FHIT: variants seen among roughly 807,000 people sequenced by gnomAD.
The protein encoded by FHIT is fragile histidine triad diadenosine triphosphatase, also known as bis(5'-adenosyl)-triphosphatase.
A neutral mutation model predicts 17.9 loss-of-function variants in FHIT; 19 were observed. That is an observed-to-expected ratio of 1.06 (90% CI 0.74 to 1.56). The LOEUF is 1.56. Among genes scored for constraint, FHIT ranks in the 40% most tolerant of loss-of-function variants. The pLI is 0.00. For missense variants in FHIT, 248 were observed against 189.2 expected, an observed-to-expected ratio of 1.31 and a Z score of -1.82; for synonymous variants, 81 against 69.7, an observed-to-expected ratio of 1.16 and a Z score of -0.81.
intron 3 of FHIT, among the ~76,000 whole-genome samples, chr3:61,041,238 G>C (rs2033497908): frequency 6.6e-6 from 1 of 151,914 alleles, no homozygotes; most frequent in Admixed American, 6.6e-5. Context: ...AATTAGCTAG[G>C]TGTGGTGGCA....
intron 5 of FHIT, among the ~76,000 whole-genome samples, chr3:60,452,106 G>A (rs1429692328): frequency 1.3e-5 from 2 of 152,118 alleles, no homozygotes; most frequent in African/African-American, 4.8e-5. Context: ...ATAAATAAAT[G>A]CCCAAATCTT....
At chr3:60,154,975 G>C (rs1187220940) in intron 5 of FHIT, among the ~76,000 whole-genome samples, 5 of 152,146 alleles carry the variant, frequency 3.3e-5, no homozygotes, top group Middle Eastern at 6.8e-3. Flanking sequence ...CAAGGTGAGA[G>C]GATCACTTGA....
At chr3:59,939,235 T>G (rs1257315405) in intron 7 of FHIT, among the ~76,000 whole-genome samples, 1 of 152,174 alleles carries the variant, frequency 6.6e-6, no homozygotes, top group Non-Finnish European at 1.5e-5. Flanking sequence ...GCCCTTGATT[T>G]ATGCTGGCCA....
intron 5 of FHIT, among the ~76,000 whole-genome samples, chr3:60,144,721 T>C (rs1254464903): frequency 6.6e-6 from 1 of 152,178 alleles, no homozygotes; most frequent in Non-Finnish European, 1.5e-5. Context: ...CATCACCTCA[T>C]GCACTTATTT....
chr3:61,026,243 G>T (rs2032725546), intron 3 of FHIT, among the ~76,000 whole-genome samples: 1 of 152,120 alleles, frequency 6.6e-6, no homozygotes. Context: ...TCTGTCTGCT[G>T]TTTTTTGCTT....
intron 3 of FHIT, among the ~76,000 whole-genome samples, chr3:60,923,044 C>G (rs1213028600): frequency 6.6e-6 from 1 of 152,230 alleles, no homozygotes; most frequent in Non-Finnish European, 1.5e-5. Flanking sequence ...CTCAGCTCAA[C>G]TAGTGTGGTA....
chr3:60,128,994 C>G lies in FHIT; in HGVS notation c.104-114842G>C, dbSNP rs1407273334. Among the ~76,000 whole-genome samples, 3 of 151,692 alleles carry G rather than the reference C, an allele frequency of 2.0e-5. No individual in the cohort carries two copies. The East Asian group carries it at 5.8e-4, about 29-fold the overall frequency. ...ATTTAGATAATTCATTGATTTCACACCTTTCCTTCCTGGTTACTCTATACT... is the reference window on the plus strand; with the variant it reads ...ATTTAGATAATTCATTGATTTCACAGCTTTCCTTCCTGGTTACTCTATACT... On this transcript the variant is annotated intron_variant, in intron 5 of 9. Coordinates refer to ENST00000492590, the MANE Select transcript of FHIT (RefSeq NM_002012.4).
At chr3:61,189,709 C>G (rs2038650283) in intron 2 of FHIT, among the ~76,000 whole-genome samples, 2 of 152,020 alleles carry the variant, frequency 1.3e-5, no homozygotes, top group East Asian at 1.9e-4. Flanking sequence ...GTAACCAAAA[C>G]AGCATGGTAC....
intron 5 of FHIT, among the ~76,000 whole-genome samples, chr3:60,184,748 G>A (rs2107451237): frequency 6.6e-6 from 1 of 152,290 alleles, no homozygotes; most frequent in African/African-American, 2.4e-5. Flanking sequence ...CAGTATTTAT[G>A]AGAACTATCC....
At chr3:60,136,198 T>C (rs1415151674) in intron 5 of FHIT, among the ~76,000 whole-genome samples, 2 of 152,112 alleles carry the variant, frequency 1.3e-5, no homozygotes. Context: ...ACACCTCCAC[T>C]GGCACAACAC....
At chr3:60,219,647 G>A (rs1703867089) in intron 5 of FHIT, among the ~76,000 whole-genome samples, 1 of 152,148 alleles carries the variant, frequency 6.6e-6, no homozygotes, top group Non-Finnish European at 1.5e-5. Context: ...TGTTAATGAT[G>A]TCAGTGATAC....
intron 8 of FHIT, among the ~76,000 whole-genome samples, chr3:59,763,142 A>T (rs1701613001): frequency 6.6e-6 from 1 of 152,218 alleles, no homozygotes; most frequent in African/African-American, 2.4e-5. Flanking sequence ...GAATGGGAAG[A>T]GGCATAGGGC....
intron 2 of FHIT, among the ~76,000 whole-genome samples, chr3:61,168,013 C>A (rs1057491938): frequency 6.6e-6 from 1 of 152,194 alleles, no homozygotes; most frequent in Non-Finnish European, 1.5e-5. Flanking sequence ...AGAATTGGCA[C>A]ACCACAGCCC....
intron 5 of FHIT, among the ~76,000 whole-genome samples, chr3:60,062,691 G>A (rs935458919): frequency 2.0e-5 from 3 of 152,112 alleles, no homozygotes; most frequent in Admixed American, 6.5e-5. Context: ...AAACAGAAAC[G>A]CTGTTTGAGA....
rs149880716 is a variant in FHIT at position 60,525,980 on chromosome 3, G to C, written c.103+10880C>G. The stretch of plus-strand genomic sequence containing the variant: ...TAGCTGGGCGTGGTGGCCCACACCT[G>C]TAGTCCCAGCTGTTCAGGAGGCTGA... On this transcript the variant is annotated intron_variant, in intron 5 of 9. Coordinates refer to ENST00000492590, the MANE Select transcript of FHIT (RefSeq NM_002012.4). 7.3e-3 allele frequency among the ~76,000 whole-genome samples: 1,107 copies of C among 151,538 alleles called. 11 individuals are homozygous for C. Among genetic ancestry groups the C allele is most frequent in the African/African-American group, 0.026 (1,059 of 41,090 alleles).
chr3:60,824,574 A>C (rs1293306758), intron 3 of FHIT, among the ~76,000 whole-genome samples: 1 of 152,204 alleles, frequency 6.6e-6, no homozygotes, highest in Non-Finnish European at 1.5e-5. Flanking sequence ...GACATAAGAA[A>C]AGCAGCTCAA....
intron 8 of FHIT, among the ~76,000 whole-genome samples, chr3:59,897,223 G>A (rs1445095177): frequency 6.6e-6 from 1 of 152,228 alleles, no homozygotes; most frequent in Admixed American, 6.5e-5. Context: ...CTTCTGTATC[G>A]AGAAACTGAA....
chr3:60,535,777 A>G (rs2035959596), intron 5 of FHIT: 1 of 151,000 alleles, frequency 6.6e-6, no homozygotes, highest in African/African-American at 2.4e-5. Flanking sequence ...TACAATCACA[A>G]TTATCTTTTG....
chr3:60,307,087 A>G (rs957164891), intron 5 of FHIT, among the ~76,000 whole-genome samples: 6 of 152,192 alleles, frequency 3.9e-5, no homozygotes, highest in African/African-American at 1.4e-4. Context: ...CCCACACAAC[A>G]AAACTGAGAA....
Sources: allele counts gnomAD v4.1 joint callset (sites outside exome capture counted in the v4.1 genomes callset), GRCh38; gene constraint gnomAD v4.1.1; transcripts MANE v1.5; gene names NCBI Gene and HGNC (gene_info 2026-07-23, HGNC 2026-07-21).